The following CPQ variants were observed in gnomAD, a reference collection of about 807,000 sequenced individuals.
The protein encoded by CPQ is Ser-Met dipeptidase.
Under a neutral mutation model 45.7 loss-of-function variants are expected in CPQ, and 37 were observed. The observed-to-expected ratio is 0.81, with a 90% CI of 0.62 to 1.07. The LOEUF (loss-of-function observed/expected upper bound fraction) is 1.07, where lower values mean the gene tolerates loss of function less well. Ranked by LOEUF, CPQ falls within the 50% of genes least tolerant of loss-of-function variation. CPQ has a pLI of 0.00. For synonymous variants in CPQ, 186 were observed against 205.8 expected (o/e 0.90, Z 0.82); for missense variants, 537 against 572.9 (o/e 0.94, Z 0.64).
chr8:96,655,030 A>T (rs778580240), intron 1 of CPQ, among the ~76,000 whole-genome samples: 1 of 151,834 alleles, frequency 6.6e-6, no homozygotes, highest in Non-Finnish European at 1.5e-5. Context: ...ATGGCTTTGC[A>T]ATATAGTTTG....
intron 4 of CPQ, among the ~76,000 whole-genome samples, chr8:96,895,838 CAT>C (rs1427380260): frequency 4.6e-5 from 7 of 152,272 alleles, no homozygotes; most frequent in South Asian, 2.1e-4. Context: ...AATTTAATGT[CAT>C]GTGAATTTTT....
At chr8:97,123,664 T>C (rs2130613038) in intron 7 of CPQ, among the ~76,000 whole-genome samples, 1 of 152,018 alleles carries the variant, frequency 6.6e-6, no homozygotes, top group South Asian at 2.1e-4. Flanking sequence ...ACTCAATATA[T>C]CAGTAATTAC....
At position 96,789,048 on chromosome 8, in the gene CPQ, C is replaced by T. The variant is rs531820944; in HGVS notation, c.433+3718C>T. Among the ~76,000 whole-genome samples the T allele has an allele frequency of 1.2e-3, 176 of 151,946 alleles. 2 individuals are homozygous for T. Among genetic ancestry groups the T allele is most frequent in the African/African-American group, 4.0e-3 (167 of 41,476 alleles). ...TGATGAGATGTTGTCATCATATCTG[C>T]CTTTAGTTCTTTAAGTATGGTTTCT... On this transcript the variant is annotated intron_variant, in intron 2 of 7. Coordinates refer to ENST00000220763, the MANE Select transcript of CPQ (RefSeq NM_016134.4).
intron 5 of CPQ, among the ~76,000 whole-genome samples, chr8:96,966,779 C>T (rs1813574229): frequency 6.6e-6 from 1 of 152,178 alleles, no homozygotes; most frequent in African/African-American, 2.4e-5. Context: ...GGAAATCTTA[C>T]ATTGTATATA....
chr8:96,756,234 C>G (rs1286519382), intron 1 of CPQ, among the ~76,000 whole-genome samples: 1 of 151,992 alleles, frequency 6.6e-6, no homozygotes, highest in Non-Finnish European at 1.5e-5. Context: ...TTTAAAAATA[C>G]TTAAGCTTCA....
chr8:96,885,252 C>G (rs1812285632), intron 4 of CPQ, among the ~76,000 whole-genome samples: 1 of 152,172 alleles, frequency 6.6e-6, no homozygotes, highest in Non-Finnish European at 1.5e-5. Context: ...CTTTTTATAA[C>G]AAACTCATTT....
chr8:96,889,775 A>T (rs1812349269), intron 4 of CPQ, among the ~76,000 whole-genome samples: 1 of 152,228 alleles, frequency 6.6e-6, no homozygotes, highest in African/African-American at 2.4e-5. Flanking sequence ...GGCAGGAAGC[A>T]TCCAGTACAG....
chr8:96,808,895 G>A (rs1423603459), intron 2 of CPQ, among the ~76,000 whole-genome samples: 7 of 152,270 alleles, frequency 4.6e-5, no homozygotes, highest in Admixed American at 1.3e-4. Flanking sequence ...TATGCATCCC[G>A]TAATGTTGTG....
chr8:96,926,874 G>T (rs1812899217), intron 4 of CPQ, among the ~76,000 whole-genome samples: 1 of 151,862 alleles, frequency 6.6e-6, no homozygotes, highest in South Asian at 2.1e-4. Context: ...TCCCCTCCCT[G>T]TGTCCATGTG....
intron 2 of CPQ, among the ~76,000 whole-genome samples, chr8:96,805,887 G>A (rs1053813713): frequency 6.6e-6 from 1 of 152,012 alleles, no homozygotes; most frequent in South Asian, 2.1e-4. Flanking sequence ...GAACTTGGTA[G>A]GGATGAGAAC....
chr8:97,002,211 A>G (rs1018569063), intron 5 of CPQ, among the ~76,000 whole-genome samples: 1 of 152,072 alleles, frequency 6.6e-6, no homozygotes, highest in African/African-American at 2.4e-5. Flanking sequence ...TCAAAGAATC[A>G]ACTCTTGGAC....
At chr8:96,954,232 A>G (rs1404433588) in intron 4 of CPQ, among the ~76,000 whole-genome samples, 3 of 152,140 alleles carry the variant, frequency 2.0e-5, no homozygotes, top group Admixed American at 6.6e-5. Flanking sequence ...AAAATGCACA[A>G]TTGAGAAAAA....
intron 1 of CPQ, among the ~76,000 whole-genome samples, chr8:96,768,000 T>C (rs1810491620): frequency 6.6e-6 from 1 of 152,026 alleles, no homozygotes; most frequent in African/African-American, 2.4e-5. Flanking sequence ...TGGGATGTGG[T>C]CTCCACTATG....
rs575387014 is a variant in CPQ, at chr8:96,927,247, ATGAT to A, written c.850-38686_850-38683del. Among the ~76,000 whole-genome samples, 41 of 152,316 alleles carry A rather than the reference ATGAT, an allele frequency of 2.7e-4. No homozygotes were observed. In the South Asian group the frequency reaches 5.2e-3, roughly 19 times the overall value. On this transcript the variant is annotated intron_variant, in intron 4 of 7. Coordinates refer to ENST00000220763, the MANE Select transcript of CPQ (RefSeq NM_016134.4). ...GGTAGCCCTGAGGAAGCAAGAATGA[ATGAT>A]TAAGATACTTCCTGATGATGTTTTT... is the stretch of plus-strand genomic sequence containing the variant.
intron 7 of CPQ, among the ~76,000 whole-genome samples, chr8:97,106,508 G>A (rs1052076141): frequency 3.3e-5 from 5 of 152,230 alleles, no homozygotes; most frequent in African/African-American, 1.2e-4. Context: ...GGCGTCTAGA[G>A]CTGCTCCTTG....
intron 1 of CPQ, among the ~76,000 whole-genome samples, chr8:96,678,931 G>A (rs112061340): frequency 0.024 from 3,679 of 151,796 alleles, 162 homozygotes; most frequent in African/African-American, 0.084. Flanking sequence ...CTGTGACCCC[G>A]TTTGTCTATT....
At chr8:96,922,812 C>T (rs1733654109) in intron 4 of CPQ, among the ~76,000 whole-genome samples, 1 of 152,180 alleles carries the variant, frequency 6.6e-6, no homozygotes, top group South Asian at 2.1e-4. Flanking sequence ...TGAATACATA[C>T]ACAGGTTATA....
In CPQ at chr8:96,648,651, T is replaced by C. The variant is rs937520883; in HGVS notation, c.-35+3249T>C. Reference sequence around the variant, plus strand: ...AGGAGAGTGACCCATCTGCAAACAATTGCACCACAGGGTAATGTGGAAGTA... The same window carrying C: ...AGGAGAGTGACCCATCTGCAAACAACTGCACCACAGGGTAATGTGGAAGTA... On this transcript the variant is annotated intron_variant, in intron 1 of 7. Transcript: ENST00000220763. 3.3e-5 allele frequency among the ~76,000 whole-genome samples: 5 copies of C among 152,040 alleles called. No homozygotes were observed. The South Asian group carries it at 8.3e-4, about 25-fold the overall frequency.
At chr8:97,075,692 C>T (rs753591863) in intron 7 of CPQ, among the ~76,000 whole-genome samples, 27 of 152,100 alleles carry the variant, frequency 1.8e-4, no homozygotes, top group Non-Finnish European at 3.5e-4. Flanking sequence ...TCTCTCTCTG[C>T]TTTAAATAAT....
Sources: allele counts gnomAD v4.1 joint callset (sites outside exome capture counted in the v4.1 genomes callset), GRCh38; gene constraint gnomAD v4.1.1; transcripts MANE v1.5; gene names NCBI Gene and HGNC (gene_info 2026-07-23, HGNC 2026-07-21).